The following THUMPD2 variants were observed in gnomAD, a reference collection of about 807,000 sequenced individuals.
The protein encoded by THUMPD2 is U6 snRNA (guanine-N(2))-methyltransferase THUMPD2.
In THUMPD2, 56 loss-of-function variants were observed where a neutral mutation model predicts 49.4. That is an observed-to-expected ratio of 1.13 (90% CI 0.91 to 1.41). THUMPD2 has a LOEUF of 1.41. THUMPD2 is among the 40% of genes most tolerant of loss of function. The pLI, the probability that THUMPD2 is intolerant of heterozygous loss-of-function variation, is 0.00. For synonymous variants in THUMPD2, 237 were observed against 205.2 expected, an observed-to-expected ratio of 1.15 and a Z score of -1.32; for missense variants, 709 against 594.5, an observed-to-expected ratio of 1.19 and a Z score of -2.00.
intron 8 of THUMPD2, among the ~76,000 whole-genome samples, chr2:39,750,689 A>T (rs1167558070): frequency 6.8e-6 from 1 of 146,490 alleles, no homozygotes; most frequent in African/African-American, 2.6e-5. Flanking sequence ...CCTGGGCAAC[A>T]GGGCAAGACT....
At position 39,761,367 on chromosome 2, in the gene THUMPD2, T is replaced by TGTAGATC; in HGVS notation, c.848_854dup (p.Ala287TyrfsTer11). 6.2e-7 allele frequency: 1 copy of TGTAGATC among 1,613,802 alleles called. No homozygotes were observed. The highest frequency in any genetic ancestry group is 1.3e-5 in the African/African-American group (1 of 75,038). Reference sequence around the variant, plus strand: ...CCAGAGATGCCATTGCCCACGCTATTGTAGATCGCAGTCCAGCTGTCTTGA... The same window carrying TGTAGATC: ...CCAGAGATGCCATTGCCCACGCTATTGTAGATCGTAGATCGCAGTCCAGCTGTCTTGA... On this transcript the variant is annotated frameshift_variant, in exon 6 of 10. Coordinates refer to ENST00000505747, the MANE Select transcript of THUMPD2 (RefSeq NM_025264.5). LOFTEE classifies it high-confidence loss of function.
Position 39,769,999 on chromosome 2 carries a change from C to G in THUMPD2, c.383G>C (p.Arg128Thr). The change falls in exon 3 of 10, where the codon AGA becomes ACA. Residue 128 changes from arginine (R) to threonine (T), a missense_variant. Coordinates refer to ENST00000505747, the MANE Select transcript of THUMPD2 (RefSeq NM_025264.5). Reference sequence around the variant, plus strand: ...TTTTCTTTTTAGTTGGTTATCATCTCTCTGAGAAAGTTTTTCCTTTTTTGC... The same window carrying G: ...TTTTCTTTTTAGTTGGTTATCATCTGTCTGAGAAAGTTTTTCCTTTTTTGC... ...LDAKKEKLSQ[R>T]DDNQLKRKVG... The G allele has an allele frequency of 4.4e-6, 7 of 1,574,048 alleles. No homozygotes were observed. Among genetic ancestry groups the G allele is most frequent in the Non-Finnish European group, 5.1e-6 (6 of 1,168,752 alleles).
At chr2:39,741,535 C>T (rs1032905638) in intron 9 of THUMPD2, among the ~76,000 whole-genome samples, 1 of 152,114 alleles carries the variant, frequency 6.6e-6, no homozygotes, top group Admixed American at 6.6e-5. Context: ...TTTAATTTTG[C>T]TCATGTATTT....
chr2:39,744,498 G>C lies in THUMPD2; in HGVS notation c.1079-20C>G. 4.1e-6 allele frequency: 6 copies of C among 1,476,724 alleles called. No homozygotes were observed. The highest frequency in any genetic ancestry group is 5.5e-6 in the Non-Finnish European group (6 of 1,083,690). The allele number at this position is 1,476,724 out of a possible 1,614,324, so 91.5% of individuals were successfully genotyped here. A position where few individuals can be genotyped will look rare whatever the true frequency, so the allele number is the denominator to read the frequency against. On this transcript the variant is annotated intron_variant, in intron 8 of 9. Coordinates refer to ENST00000505747, the MANE Select transcript of THUMPD2 (RefSeq NM_025264.5). ...GCAATTCTGAAATATAGAAATCAGA[G>C]AATCCTATTACAGTAGGGTCAAATA...
At chr2:39,771,323 G>A (rs149478503) in intron 2 of THUMPD2, among the ~76,000 whole-genome samples, 182 bp downstream of exon 2, 35 of 152,122 alleles carry the variant, frequency 2.3e-4, no homozygotes, top group Non-Finnish European at 3.2e-4. Flanking sequence ...GTTGCAAAGA[G>A]AAGAAATATT....
chr2:39,753,161 T>C (rs937482097), intron 8 of THUMPD2, among the ~76,000 whole-genome samples: 4 of 152,186 alleles, frequency 2.6e-5, no homozygotes, highest in African/African-American at 7.2e-5. Context: ...CCCATTTCTA[T>C]GCTCTCCTCA....
chr2:39,774,557 C>T (rs1335631466), intron 1 of THUMPD2, among the ~76,000 whole-genome samples: 5 of 152,126 alleles, frequency 3.3e-5, no homozygotes, highest in Non-Finnish European at 7.4e-5. Context: ...CTGTGAGAAT[C>T]AAATAATCCT....
intron 9 of THUMPD2, among the ~76,000 whole-genome samples, chr2:39,737,686 T>C (rs1673286638): frequency 6.6e-6 from 1 of 151,880 alleles, no homozygotes; most frequent in Admixed American, 6.6e-5. Context: ...CTTGGGAACA[T>C]GAGGTGGGTC....
At chr2:39,742,291 C>T (rs1338382309) in intron 9 of THUMPD2, among the ~76,000 whole-genome samples, 1 of 152,184 alleles carries the variant, frequency 6.6e-6, no homozygotes, top group Non-Finnish European at 1.5e-5. Context: ...AATACATACA[C>T]TTTAAACTGG....
chr2:39,755,743 CTCA>C (rs1676013564), intron 7 of THUMPD2, 143 bp downstream of exon 7: 2 of 620,526 alleles, frequency 3.2e-6, no homozygotes, highest in Admixed American at 6.9e-5. Context: ...TCATTAGTCC[CTCA>C]TCATCTATTT....
intron 3 of THUMPD2, chr2:39,769,288 G>A: frequency 3.5e-6 from 1 of 282,462 alleles, no homozygotes; most frequent in Non-Finnish European, 7.3e-6. Flanking sequence ...AAAATTAAAA[G>A]GAAAATGTAG....
In THUMPD2 at chr2:39,761,438, A is replaced by T. The variant is rs537090300; in HGVS notation, c.804-20T>A. ...GAAACCCTACAAAGGATAGAATCTGATTATATATTATTACACATTGAACAA... is the reference window on the plus strand; with the variant it reads ...GAAACCCTACAAAGGATAGAATCTGTTTATATATTATTACACATTGAACAA... On this transcript the variant is annotated intron_variant, in intron 5 of 9. Transcript: ENST00000505747. 5.9e-5 allele frequency: 94 copies of T among 1,599,470 alleles called. No homozygotes were observed. In the South Asian group the frequency reaches 9.4e-4, roughly 16 times the overall value.
At chr2:39,771,442 A>T (rs960178789) in intron 2 of THUMPD2, 63 bp downstream of exon 2, 1 of 1,492,432 alleles carries the variant, frequency 6.7e-7, no homozygotes, top group African/African-American at 1.4e-5. Flanking sequence ...ATTATCAAGC[A>T]GAAAATGTTG....
chr2:39,763,335 A>G (rs1318769094), intron 5 of THUMPD2, among the ~76,000 whole-genome samples: 2 of 152,096 alleles, frequency 1.3e-5, no homozygotes, highest in East Asian at 3.9e-4. Context: ...TATAAACTGA[A>G]TACACTATCC....
intron 9 of THUMPD2, among the ~76,000 whole-genome samples, chr2:39,737,279 C>CTACTT (rs60117530): frequency 0.54 from 82,028 of 151,402 alleles, 22,539 homozygotes; most frequent in East Asian, 0.77. Context: ...TATTTTTACT[C>CTACTT]AAAAGGCAAG....
At chr2:39,758,791 A>T (rs1379050528) in intron 6 of THUMPD2, among the ~76,000 whole-genome samples, 1 of 152,136 alleles carries the variant, frequency 6.6e-6, no homozygotes, top group East Asian at 1.9e-4. Flanking sequence ...CATCTAAAAA[A>T]AAAAAAAAAG....
chr2:39,771,502 T>C lies in THUMPD2; in HGVS notation c.262+3A>G, dbSNP rs924589668. The stretch of plus-strand genomic sequence containing the variant: ...AAGCAACATGCATATGAATATGCCA[T>C]ACCTTTACTTACAGAAGAAATAATA... On this transcript the variant is annotated splice_donor_region_variant and intron_variant, in intron 2 of 9. Transcript: ENST00000505747. 1 of 1,596,342 alleles carries C rather than the reference T, an allele frequency of 6.3e-7. No individual in the cohort carries two copies. The highest frequency in any genetic ancestry group is 1.8e-5 in the Admixed American group (1 of 54,522).
intron 6 of THUMPD2, among the ~76,000 whole-genome samples, chr2:39,759,358 T>C (rs911077951): frequency 3.9e-5 from 6 of 152,154 alleles, no homozygotes; most frequent in Non-Finnish European, 2.9e-5. Flanking sequence ...ATTACCAAAA[T>C]GGCAGCTAAT....
In THUMPD2 at chr2:39,755,946, A is replaced by G. The variant is rs1182399341; in HGVS notation, c.906T>C (p.Val302=). The change falls in exon 7 of 10, where the codon GTT becomes GTC. Residue 302 remains valine, a synonymous_variant. Transcript: ENST00000505747. The part of the protein sequence containing the change: ...SLADIKAGAF[V]LDPMCGLGTI... ...TTCCAAGTCCACACATTGGATCTAA[A>G]ACAAATGCACCAGCCTGCAGACAGA... 6.2e-7 allele frequency: 1 copy of G among 1,613,732 alleles called. No homozygotes were observed. The highest frequency in any genetic ancestry group is 1.3e-5 in the African/African-American group (1 of 74,902).
Sources: allele counts gnomAD v4.1 joint callset (sites outside exome capture counted in the v4.1 genomes callset), GRCh38; gene constraint gnomAD v4.1.1; transcripts MANE v1.5; gene names NCBI Gene and HGNC (gene_info 2026-07-23, HGNC 2026-07-21).